Variants in WASHC2A observed in about 807,000 individuals in gnomAD.
The protein encoded by WASHC2A is WASH complex subunit 2A.
A neutral mutation model predicts 140.3 loss-of-function variants in WASHC2A; 82 were observed. The ratio of observed to expected loss-of-function variants is 0.58; its 90% confidence interval spans 0.49 to 0.70. The LOEUF is 0.70. Among genes scored for constraint, WASHC2A ranks in the 30% least tolerant of loss-of-function variants. The probability of loss-of-function intolerance (pLI) is 0.00; values close to 1 mark genes in which losing one functional copy is unlikely to be tolerated. For synonymous variants in WASHC2A, 340 were observed against 560.8 expected, an observed-to-expected ratio of 0.61 and a Z score of 5.56; for missense variants, 985 against 1,521.8, an observed-to-expected ratio of 0.65 and a Z score of 5.87.
rs1473722402 is a variant in WASHC2A, at chr10:50,097,925, T to C, written c.1548+123T>C. ...ATATTGAAGAACTTCAAACAGAAAG[T>C]GGAAAGAACATTGCAGTGAACACCC... On this transcript the variant is annotated intron_variant, in intron 16 of 30. Transcript: ENST00000282633. The C allele has an allele frequency of 3.3e-6, 5 of 1,498,814 alleles. No homozygotes were observed. The East Asian group carries it at 9.3e-5, about 28-fold the overall frequency. The allele number at this position is 1,498,814 out of a possible 1,614,324, so 92.8% of individuals were successfully genotyped here.
Position 50,110,310 on chromosome 10 carries a change from G to A in WASHC2A, c.2039+40G>A, listed in dbSNP as rs1268228897. 1.3e-4 allele frequency: 203 copies of A among 1,606,402 alleles called. 1 individual carries two copies. The African/African-American group carries it at 2.4e-3, about 19-fold the overall frequency. The stretch of plus-strand genomic sequence containing the variant: ...GGAAGGAGTCCCTCACTCCGTTACC[G>A]TGGTAACAAGAAAAGGAATCTGATG... On this transcript the variant is annotated intron_variant, in intron 20 of 30. Transcript: ENST00000282633.
intron 23 of WASHC2A, among the ~76,000 whole-genome samples, chr10:50,120,347 C>G (rs1391406469): frequency 6.9e-6 from 1 of 144,454 alleles, no homozygotes. Context: ...GTCAGCTGGG[C>G]ATGGTGGCTC....
At chr10:50,099,451 G>A (rs1446079952) in intron 16 of WASHC2A, among the ~76,000 whole-genome samples, 5 of 150,362 alleles carry the variant, frequency 3.3e-5, no homozygotes, top group Non-Finnish European at 7.4e-5. Flanking sequence ...TTGTGGAGAC[G>A]GGTTTTGCCC....
At chr10:50,121,395 CTTTT>C (rs879039985) in intron 23 of WASHC2A, among the ~76,000 whole-genome samples, 1 of 132,536 alleles carries the variant, frequency 7.5e-6, no homozygotes, top group Non-Finnish European at 1.6e-5. Flanking sequence ...TAGTAACTTT[CTTTT>C]TTTTTTTTTT....
In WASHC2A at chr10:50,110,122, T is replaced by C; in HGVS notation, c.1891T>C (p.Ser631Pro). The C allele has an allele frequency of 6.2e-7, 1 of 1,610,764 alleles. No individual in the cohort carries two copies. The highest frequency in any genetic ancestry group is 2.2e-5 in the East Asian group (1 of 44,804). Reference protein sequence around the residue: ...DEEDQWNIPASQTHLASDSRS... With the variant: ...DEEDQWNIPAPQTHLASDSRS... ...TAAGGACCAGTGGAATATTCCTGCT[T>C]CACAGACCCACTTAGCATCTGACAG... Residue 631 changes from serine (S) to proline (P), a missense_variant, in exon 20 of 31, where the codon TCA (serine) becomes CCA (proline). Ser to Pro is a moderately conservative substitution (Grantham distance 74). Coordinates refer to ENST00000282633, the MANE Select transcript of WASHC2A (RefSeq NM_001005751.3).
At chr10:50,128,137 T>C (rs1382357453) in intron 28 of WASHC2A, among the ~76,000 whole-genome samples, 1 of 151,088 alleles carries the variant, frequency 6.6e-6, no homozygotes, top group Non-Finnish European at 1.5e-5. Flanking sequence ...GCTTCCTCAC[T>C]ACTCCAAGGA....
chr10:50,081,991 T>TGA (rs1232993856), intron 5 of WASHC2A, among the ~76,000 whole-genome samples: 2 of 152,166 alleles, frequency 1.3e-5, no homozygotes, highest in Non-Finnish European at 2.9e-5. Context: ...TGAGCTTTGC[T>TGA]GAGTCACACC....
At chr10:50,107,538 G>T (rs1400205318) in intron 19 of WASHC2A, among the ~76,000 whole-genome samples, 1 of 152,012 alleles carries the variant, frequency 6.6e-6, no homozygotes, top group African/African-American at 2.4e-5. Context: ...TTAATAGGGG[G>T]TGAAGTGGAT....
intron 3 of WASHC2A, 24 bp downstream of exon 3, chr10:50,069,735 A>G (rs1589133876): frequency 1.9e-6 from 3 of 1,601,906 alleles, no homozygotes; most frequent in East Asian, 2.2e-5. Flanking sequence ...TTATATTATC[A>G]TTCCTTTTTT....
In WASHC2A at chr10:50,068,662, A is replaced by G. The variant is rs556985386; in HGVS notation, c.126+435A>G. ...CCCAAATGAATAGGATTTTTGAATA[A>G]GAGTGGTGGTTGATTAGCTAACCCT... On this transcript the variant is annotated intron_variant, in intron 2 of 30. Transcript: ENST00000282633. 1.2e-3 allele frequency among the ~76,000 whole-genome samples: 180 copies of G among 149,442 alleles called. 2 individuals carry two copies. The highest frequency in any genetic ancestry group is 4.0e-3 in the African/African-American group (160 of 40,318).
intron 20 of WASHC2A, among the ~76,000 whole-genome samples, chr10:50,113,509 A>G (rs1693823749): frequency 1.3e-5 from 2 of 152,074 alleles, no homozygotes; most frequent in Admixed American, 1.3e-4. Context: ...TCTCTTGGCA[A>G]CCGTCTTCAT....
At chr10:50,127,938 C>A in intron 28 of WASHC2A, 143 bp downstream of exon 28, 1 of 1,551,024 alleles carries the variant, frequency 6.4e-7, no homozygotes, top group Non-Finnish European at 8.8e-7. Flanking sequence ...AGCCACTCCC[C>A]ACTCCATTCT....
At chr10:50,124,962 C>T (rs1843310066) in intron 23 of WASHC2A, 151 bp from the exon 24 acceptor site, 2 of 792,492 alleles carry the variant, frequency 2.5e-6, no homozygotes, top group Non-Finnish European at 3.8e-6. Context: ...TTTCATTCCC[C>T]TACTGAGTGG....
rs782360408 is a variant in WASHC2A at position 50,069,580 on chromosome 10, A to T, written c.160A>T (p.Thr54Ser). 13 of 1,613,482 alleles carry T rather than the reference A, an allele frequency of 8.1e-6. No individual in the cohort carries two copies. The highest frequency in any genetic ancestry group is 1.0e-5 in the Non-Finnish European group (12 of 1,179,796). Reference protein sequence around the residue: ...LQFLQEFSQQTISRTHEIKKQ... With the variant: ...LQFLQEFSQQSISRTHEIKKQ... The stretch of plus-strand genomic sequence containing the variant: ...GTTTCTACAGGAATTCTCACAGCAA[A>T]CTATCTCTAGGACCCATGAAATCAA... The change falls in exon 3 of 31, where the codon ACT (threonine) becomes TCT (serine). Residue 54 changes from threonine (T) to serine (S), a missense_variant. Physicochemically the swap from Thr to Ser is moderately conservative, Grantham distance 58. Transcript: ENST00000282633.
chr10:50,090,513 A>T (rs201766450), intron 8 of WASHC2A, among the ~76,000 whole-genome samples: 2,562 of 68,494 alleles, frequency 0.037, 42 homozygotes, highest in Non-Finnish European at 0.061. Context: ...AAAAAAAAAA[A>T]AAATATATAT....
In WASHC2A at chr10:50,132,886, T is replaced by A. The variant is rs747870703; in HGVS notation, c.3967T>A (p.Phe1323Ile). The A allele has an allele frequency of 2.5e-6, 4 of 1,611,912 alleles. No individual in the cohort carries two copies. In the African/African-American group the frequency reaches 5.3e-5, roughly 22 times the overall value. Residue 1323 changes from phenylalanine (F) to isoleucine (I), a missense_variant, in exon 31 of 31, where the codon TTT becomes ATT. By Grantham distance (21) the Phe-to-Ile change is conservative (BLOSUM62 0). Transcript: ENST00000282633. ...RSAQAAPEPR[F>I]EHKVSNIFDD... The stretch of plus-strand genomic sequence containing the variant: ...TGCACAGGCCGCACCTGAACCAAGA[T>A]TTGAACACAAGGTGTCCAACATCTT...
intron 21 of WASHC2A, 125 bp from the exon 22 acceptor site, chr10:50,117,781 C>G (rs1842790112): frequency 3.5e-6 from 2 of 566,582 alleles, no homozygotes; most frequent in Non-Finnish European, 6.4e-6. Context: ...CTATCCTGTC[C>G]TCTCTTCCTT....
At position 50,129,732 on chromosome 10, in the gene WASHC2A, A is replaced by T; in HGVS notation, c.3401A>T (p.Asp1134Val). 6.2e-7 allele frequency: 1 copy of T among 1,612,056 alleles called. No individual in the cohort carries two copies. The highest frequency in any genetic ancestry group is 2.2e-5 in the East Asian group (1 of 44,878). Residue 1134 changes from aspartate to valine, a missense_variant, in exon 29 of 31, where the codon GAC (aspartate) becomes GTC (valine). Coordinates refer to ENST00000282633, the MANE Select transcript of WASHC2A (RefSeq NM_001005751.3). ...GAGGCTGACCTTTTTGATTCTGGGG[A>T]CATCTTTTCCACGGGCACTGGATCT... ...RGEADLFDSG[D>V]IFSTGTGSQS...
intron 13 of WASHC2A, among the ~76,000 whole-genome samples, 189 bp downstream of exon 13, chr10:50,094,106 T>C (rs2805174): frequency 6.6e-6 from 1 of 151,998 alleles, no homozygotes; most frequent in Admixed American, 6.6e-5. Flanking sequence ...CAGTACCATC[T>C]GTAAACCCAT....
Sources: allele counts gnomAD v4.1 joint callset (sites outside exome capture counted in the v4.1 genomes callset), GRCh38; gene constraint gnomAD v4.1.1; transcripts MANE v1.5; gene names NCBI Gene and HGNC (gene_info 2026-07-23, HGNC 2026-07-21).